The following ARHGAP12 variants were observed in gnomAD, a reference collection of about 807,000 sequenced individuals.
ARHGAP12 encodes rho GTPase-activating protein 12.
ARHGAP12 carries 64 observed loss-of-function variants against 108.6 expected under a neutral mutation model. That is an observed-to-expected ratio of 0.59 (90% CI 0.48 to 0.73). The LOEUF (loss-of-function observed/expected upper bound fraction) is 0.73. Ranked by LOEUF, ARHGAP12 falls within the 30% of genes least tolerant of loss-of-function variation. The pLI, the probability that ARHGAP12 is intolerant of heterozygous loss-of-function variation, is 0.00. For synonymous variants in ARHGAP12, 312 were observed against 337.2 expected, an observed-to-expected ratio of 0.93 and a Z score of 0.82; for missense variants, 940 against 1,005.9, an observed-to-expected ratio of 0.93 and a Z score of 0.89.
intron 3 of ARHGAP12, among the ~76,000 whole-genome samples, chr10:31,875,731 C>T (rs571133724): frequency 5.9e-5 from 9 of 152,278 alleles, no homozygotes; most frequent in African/African-American, 1.4e-4. Flanking sequence ...GTGTACAGGT[C>T]GGTCACACTA....
Position 31,867,778 on chromosome 10 carries a change from A to G in ARHGAP12, c.685-6120T>C, listed in dbSNP as rs375238947. On this transcript the variant is annotated intron_variant, in intron 3 of 19. Transcript: ENST00000344936. ...AAAGATGTTCATTCCAGTGTTATTT[A>G]TAAGAAATAAATCAGAAACAACCTA... Among the ~76,000 whole-genome samples, 139 of 152,342 alleles carry G rather than the reference A, an allele frequency of 9.1e-4. 2 individuals carry two copies. In the Middle Eastern group the frequency reaches 0.01, roughly 11 times the overall value.
At chr10:31,858,655 A>C (rs1648356525) in intron 4 of ARHGAP12, among the ~76,000 whole-genome samples, 1 of 152,202 alleles carries the variant, frequency 6.6e-6, no homozygotes, top group Admixed American at 6.5e-5. Context: ...TGTCCCTGAA[A>C]GGCGAAATCA....
intron 3 of ARHGAP12, among the ~76,000 whole-genome samples, chr10:31,870,226 CTGTCT>C (rs1191310147): frequency 9.5e-5 from 14 of 146,874 alleles, no homozygotes; most frequent in African/African-American, 3.2e-4. Flanking sequence ...ACCATAATTT[CTGTCT>C]TTTTTTTTTT....
chr10:31,842,883 C>G (rs933208021), intron 7 of ARHGAP12, among the ~76,000 whole-genome samples: 4 of 152,062 alleles, frequency 2.6e-5, no homozygotes, highest in Non-Finnish European at 1.5e-5. Context: ...TTTAAAACAT[C>G]CATTCTAATG....
chr10:31,809,295 T>A lies in ARHGAP12; in HGVS notation c.2063A>T (p.Asp688Val). Residue 688 changes from aspartate (D) to valine (V), a missense_variant, in exon 17 of 20, where the codon GAT becomes GTT. Transcript: ENST00000344936. ...EHVEEHGLDI[D>V]GIYRVSGNLA... ...GTTGCCACTTACTCTGTATATCCCA[T>A]CAATATCCAAACCTAAGAGACAATA... The A allele has an allele frequency of 6.2e-7, 1 of 1,613,766 alleles. No homozygotes were observed. Among genetic ancestry groups the A allele is most frequent in the South Asian group, 1.1e-5 (1 of 91,062 alleles).
At chr10:31,819,975 A>G (rs1454589256) in intron 12 of ARHGAP12, among the ~76,000 whole-genome samples, 2 of 151,482 alleles carry the variant, frequency 1.3e-5, no homozygotes, top group African/African-American at 2.4e-5. Context: ...AAAGGCCTTT[A>G]TTTTTTAGAC....
intron 3 of ARHGAP12, among the ~76,000 whole-genome samples, chr10:31,897,271 A>G (rs1838738442): frequency 6.6e-6 from 1 of 152,176 alleles, no homozygotes; most frequent in South Asian, 2.1e-4. Context: ...GACCTGAGGA[A>G]AGGGCACTTC....
chr10:31,880,121 T>C (rs1837882238), intron 3 of ARHGAP12, among the ~76,000 whole-genome samples: 1 of 152,246 alleles, frequency 6.6e-6, no homozygotes, highest in African/African-American at 2.4e-5. Context: ...TCAATAAATA[T>C]TAAATGAGTA....
At position 31,829,334 on chromosome 10, in the gene ARHGAP12, T is replaced by C. The variant is rs555446124; in HGVS notation, c.1448+2405A>G. On this transcript the variant is annotated intron_variant, in intron 10 of 19. Coordinates refer to ENST00000344936, the MANE Select transcript of ARHGAP12 (RefSeq NM_018287.7). ...AGAAAGGTTACCAAGGGCTGGGGGA[T>C]GGAGGAAGAGGGAATTAGTAGGTAT... is the stretch of plus-strand genomic sequence containing the variant. 2.6e-5 allele frequency among the ~76,000 whole-genome samples: 4 copies of C among 152,122 alleles called. No homozygotes were observed. The East Asian group carries it at 7.7e-4, about 29-fold the overall frequency.
chr10:31,832,714 TTACTC>T (rs1205566894), intron 9 of ARHGAP12, among the ~76,000 whole-genome samples: 3 of 152,186 alleles, frequency 2.0e-5, no homozygotes, highest in African/African-American at 4.8e-5. Flanking sequence ...ATTTAACTGA[TTACTC>T]TGCTATATTT....
chr10:31,846,053 T>C (rs1040403010), intron 6 of ARHGAP12, among the ~76,000 whole-genome samples: 5 of 152,214 alleles, frequency 3.3e-5, no homozygotes, highest in Non-Finnish European at 7.3e-5. Flanking sequence ...GTTATACTTT[T>C]TTAGTGCTTG....
chr10:31,830,371 C>T (rs1835789090), intron 10 of ARHGAP12, among the ~76,000 whole-genome samples: 1 of 151,130 alleles, frequency 6.6e-6, no homozygotes, highest in Non-Finnish European at 1.5e-5. Context: ...AAAAGTATTC[C>T]AAAAGAAGCA....
At position 31,861,444 on chromosome 10, in the gene ARHGAP12, C is replaced by T. The variant is rs761001484; in HGVS notation, c.899G>A (p.Arg300Gln). The change falls in exon 4 of 20, where the codon CGG becomes CAG. Residue 300 changes from arginine (R) to glutamine (Q), a missense_variant. Physicochemically the swap from Arg to Gln is conservative, Grantham distance 43. Transcript: ENST00000344936. The part of the protein sequence containing the change: ...ERTWKPPRWT[R>Q]DASISKGDFQ... ...ATCTCCTTTGCTGATGCTTGCATCC[C>T]GAGTCCAACGAGGAGGTTTCCAAGT... 5.0e-6 allele frequency: 8 copies of T among 1,613,984 alleles called. No individual in the cohort carries two copies. The highest frequency in any genetic ancestry group is 2.7e-5 in the African/African-American group (2 of 74,906).
chr10:31,884,289 A>T (rs141979160), intron 3 of ARHGAP12, among the ~76,000 whole-genome samples: 99 of 151,828 alleles, frequency 6.5e-4, no homozygotes, highest in African/African-American at 1.9e-3. Flanking sequence ...ACATATTAAC[A>T]TATGTTTTTA....
In ARHGAP12 at chr10:31,908,398, G is replaced by T. The variant is rs1256667916; in HGVS notation, c.458C>A (p.Thr153Asn). ...ATTGTTAAACTTTCCGTTATTATGGGTCAGGTCCAGGCTTAGGTTGACAGT... is the reference window on the plus strand; with the variant it reads ...ATTGTTAAACTTTCCGTTATTATGGTTCAGGTCCAGGCTTAGGTTGACAGT... ...GQTVNLSLDL[T>N]HNNGKFNNDS... Residue 153 changes from threonine to asparagine, a missense_variant, in exon 3 of 20, where the codon ACC (threonine) becomes AAC (asparagine). Coordinates refer to ENST00000344936, the MANE Select transcript of ARHGAP12 (RefSeq NM_018287.7). 12 of 1,614,186 alleles carry T rather than the reference G, an allele frequency of 7.4e-6. No homozygotes were observed. Among genetic ancestry groups the T allele is most frequent in the Admixed American group, 6.7e-5 (4 of 60,014 alleles).
chr10:31,834,709 G>T (rs1835948407), intron 9 of ARHGAP12, among the ~76,000 whole-genome samples: 1 of 152,122 alleles, frequency 6.6e-6, no homozygotes, highest in African/African-American at 2.4e-5. Flanking sequence ...ACTGTATCAA[G>T]CATGTAGTTG....
intron 3 of ARHGAP12, among the ~76,000 whole-genome samples, chr10:31,864,680 AG>A (rs1837256784): frequency 6.6e-6 from 1 of 152,242 alleles, no homozygotes; most frequent in African/African-American, 2.4e-5. Context: ...TGATAAAGAG[AG>A]GAAACTAAGA....
Position 31,928,798 on chromosome 10 carries a change from C to A in ARHGAP12, c.-226G>T, listed in dbSNP as rs1033106897. Reference sequence around the variant, plus strand: ...CGGCTACGGCCGCGGCCGGCCCGTCCCCGCAGGCTGGCCTCTGAGGGAGGG... The same window carrying A: ...CGGCTACGGCCGCGGCCGGCCCGTCACCGCAGGCTGGCCTCTGAGGGAGGG... On this transcript the variant is annotated 5_prime_UTR_variant, in exon 1 of 20. Coordinates refer to ENST00000344936, the MANE Select transcript of ARHGAP12 (RefSeq NM_018287.7). The A allele has an allele frequency of 1.3e-5, 2 of 151,950 alleles. No individual in the cohort carries two copies. Among genetic ancestry groups the A allele is most frequent in the Admixed American group, 6.6e-5 (1 of 15,262 alleles). The allele number at this position is 151,950 out of a possible 1,614,324, so 9.4% of individuals were successfully genotyped here.
intron 13 of ARHGAP12, among the ~76,000 whole-genome samples, chr10:31,816,200 T>TGTGTGTGTGTGG (rs1224425129): frequency 2.0e-5 from 3 of 151,382 alleles, no homozygotes; most frequent in Non-Finnish European, 4.4e-5. Flanking sequence ...TGTGTGTGTG[T>TGTGTGTGTGTGG]GTGTGTGTGT....
Sources: gnomAD v4.1 joint callset for allele counts (sites outside exome capture counted in the v4.1 genomes callset) on GRCh38, gnomAD v4.1.1 for gene constraint, MANE v1.5 for transcripts, NCBI Gene and HGNC (gene_info 2026-07-23, HGNC 2026-07-21) for gene names.